Variants in ZNF148 observed in about 807,000 individuals in gnomAD.
ZNF148 encodes Beta-Enolase Repressor Factor-1.
Under a neutral mutation model 67.7 loss-of-function variants are expected in ZNF148, and 7 were observed. The observed-to-expected ratio is 0.10, with a 90% CI of 0.06 to 0.19. The LOEUF is 0.19. Among genes scored for constraint, ZNF148 ranks in the 10% least tolerant of loss-of-function variants. ZNF148 has a pLI of 1.00. For missense variants in ZNF148, 583 were observed against 947.1 expected, an observed-to-expected ratio of 0.62 and a Z score of 5.05; for synonymous variants, 333 against 330.7, an observed-to-expected ratio of 1.01 and a Z score of -0.08.
chr3:125,271,145 T>C (rs555805717), intron 7 of ZNF148, among the ~76,000 whole-genome samples: 11 of 152,352 alleles, frequency 7.2e-5, no homozygotes, highest in Admixed American at 2.0e-4. Context: ...TTTTTTAACA[T>C]GGCAGTTAAA....
At chr3:125,245,141 A>C (rs1936537788) in intron 7 of ZNF148, among the ~76,000 whole-genome samples, 1 of 152,164 alleles carries the variant, frequency 6.6e-6, no homozygotes, top group African/African-American at 2.4e-5. Flanking sequence ...TCTCAAATAC[A>C]TCATATCCCA....
intron 5 of ZNF148, among the ~76,000 whole-genome samples, chr3:125,286,156 C>T (rs1488710094): frequency 6.6e-6 from 1 of 151,950 alleles, no homozygotes; most frequent in East Asian, 1.9e-4. Context: ...TAGTATTATT[C>T]TATATCTGAA....
Position 125,232,342 on chromosome 3 carries a change from TAGCC to T in ZNF148, c.2380_2383del (p.Gly794LysfsTer7). 4 of 1,545,704 alleles carry T rather than the reference TAGCC, an allele frequency of 2.6e-6. No individual in the cohort carries two copies. The highest frequency in any genetic ancestry group is 1.5e-5 in the African/African-American group (1 of 67,902). ...ATTATTTACACTTTTTTTTTTTTTTTAGCCAAAAGTCTGGCCAGTTGTGGCATCA... is the reference window on the plus strand; with the variant it reads ...ATTATTTACACTTTTTTTTTTTTTTTAAAAGTCTGGCCAGTTGTGGCATCA... On this transcript the variant is annotated frameshift_variant and stop_lost, in exon 9 of 9. Coordinates refer to ENST00000360647, the MANE Select transcript of ZNF148 (RefSeq NM_021964.3). LOFTEE classifies it high-confidence loss of function. The surrounding 1 kb of genome is among the most constrained non-coding windows in gnomAD (Gnocchi z 4.2).
At chr3:125,301,973 G>A (rs1939610848) in intron 4 of ZNF148, among the ~76,000 whole-genome samples, 1 of 152,098 alleles carries the variant, frequency 6.6e-6, no homozygotes. Flanking sequence ...CTGAGGCAGG[G>A]AGAAATGCTT....
intron 7 of ZNF148, among the ~76,000 whole-genome samples, chr3:125,249,036 AG>A (rs1936721440): frequency 6.6e-6 from 1 of 152,208 alleles, no homozygotes; most frequent in Non-Finnish European, 1.5e-5. Flanking sequence ...CAACTCAAAA[AG>A]GATTAAAGAC....
intron 7 of ZNF148, among the ~76,000 whole-genome samples, chr3:125,258,502 T>C (rs1020046188): frequency 1.3e-5 from 2 of 151,286 alleles, no homozygotes; most frequent in African/African-American, 2.4e-5. Flanking sequence ...GGGCTCATGA[T>C]ATGATTCTCC....
In ZNF148 at chr3:125,318,320, C is replaced by T. The variant is rs143376935; in HGVS notation, c.-16-4664G>A. ...AAAGAAAACTGAGGTAATCAAGCCACACTAATATGTAAATAATTAACTGTC... is the reference window on the plus strand; with the variant it reads ...AAAGAAAACTGAGGTAATCAAGCCATACTAATATGTAAATAATTAACTGTC... On this transcript the variant is annotated intron_variant, in intron 3 of 8. Coordinates refer to ENST00000360647, the MANE Select transcript of ZNF148 (RefSeq NM_021964.3). 3.9e-5 allele frequency among the ~76,000 whole-genome samples: 6 copies of T among 152,270 alleles called. No homozygotes were observed. The East Asian group carries it at 1.2e-3, about 29-fold the overall frequency.
intron 7 of ZNF148, among the ~76,000 whole-genome samples, chr3:125,237,248 T>C (rs1374327431): frequency 6.6e-6 from 1 of 152,064 alleles, no homozygotes; most frequent in African/African-American, 2.4e-5. Flanking sequence ...CAGGCAATGT[T>C]GTTGGACAGG....
At chr3:125,253,689 C>G (rs1382924639) in intron 7 of ZNF148, among the ~76,000 whole-genome samples, 1 of 152,128 alleles carries the variant, frequency 6.6e-6, no homozygotes, top group Non-Finnish European at 1.5e-5. Flanking sequence ...TAAAATTTCC[C>G]TCCTTAATTT....
chr3:125,334,749 A>G lies in ZNF148; in HGVS notation c.-233-3511T>C, dbSNP rs190425056. On this transcript the variant is annotated intron_variant, in intron 1 of 8. Transcript: ENST00000360647. ...CCCGAACTCCTTATAAGGGTCTACAAGGCCTTACATGCACTCCTGTGCTTA... is the reference window on the plus strand; with the variant it reads ...CCCGAACTCCTTATAAGGGTCTACAGGGCCTTACATGCACTCCTGTGCTTA... Among the ~76,000 whole-genome samples the G allele has an allele frequency of 3.3e-5, 5 of 152,314 alleles. No homozygotes were observed. The East Asian group carries it at 9.6e-4, about 29-fold the overall frequency.
chr3:125,235,088 G>A (rs1936026294), intron 7 of ZNF148, among the ~76,000 whole-genome samples: 1 of 152,130 alleles, frequency 6.6e-6, no homozygotes, highest in Non-Finnish European at 1.5e-5. Context: ...TAAAACCACA[G>A]TCTAAGTAAA....
At chr3:125,368,995 C>G (rs1352446491) in intron 1 of ZNF148, among the ~76,000 whole-genome samples, 5 of 150,786 alleles carry the variant, frequency 3.3e-5, no homozygotes, top group African/African-American at 1.2e-4. Flanking sequence ...GGCGCAGTGG[C>G]TCACACCTGT....
At position 125,279,253 on chromosome 3, in the gene ZNF148, T is replaced by TAAAAA; in HGVS notation, c.460-7_460-6insTTTTT. The TAAAAA allele has an allele frequency of 9.9e-7, 1 of 1,011,996 alleles. No individual in the cohort carries two copies. The highest frequency in any genetic ancestry group is 2.4e-5 in the South Asian group (1 of 41,562). The allele number at this position is 1,011,996 out of a possible 1,614,324, so 62.7% of individuals were successfully genotyped here. ...TCCTCATTTATTGTAAGGATCTAGT[T>TAAAAA]CAAAAAAAAAAAGGCAAAAACAAAA... is the stretch of plus-strand genomic sequence containing the variant. On this transcript the variant is annotated splice_polypyrimidine_tract_variant and splice_region_variant and intron_variant, in intron 5 of 8. Transcript: ENST00000360647.
At chr3:125,250,107 T>C (rs536358354) in intron 7 of ZNF148, among the ~76,000 whole-genome samples, 101 of 152,216 alleles carry the variant, frequency 6.6e-4, no homozygotes, top group Non-Finnish European at 1.3e-3. Flanking sequence ...ATGGGACCTA[T>C]AGTTAATAAT....
At chr3:125,343,338 G>A (rs1258124820) in intron 1 of ZNF148, among the ~76,000 whole-genome samples, 2 of 152,176 alleles carry the variant, frequency 1.3e-5, no homozygotes, top group African/African-American at 4.8e-5. Context: ...GTCCCAATGA[G>A]AGGTGAAGCC....
At chr3:125,244,501 GT>G (rs1303552854) in intron 7 of ZNF148, among the ~76,000 whole-genome samples, 15 of 145,752 alleles carry the variant, frequency 1.0e-4, no homozygotes, top group East Asian at 4.0e-4. Flanking sequence ...AATCTTTTTT[GT>G]TTTTTTTTTT....
At chr3:125,319,007 C>G (rs894447213) in intron 3 of ZNF148, among the ~76,000 whole-genome samples, 1 of 152,086 alleles carries the variant, frequency 6.6e-6, no homozygotes, top group Non-Finnish European at 1.5e-5. Context: ...CACTCCCAAC[C>G]CCCCCACACA....
intron 1 of ZNF148, among the ~76,000 whole-genome samples, chr3:125,373,057 A>C (rs1436523757): frequency 6.6e-6 from 1 of 152,052 alleles, no homozygotes; most frequent in Non-Finnish European, 1.5e-5. Context: ...AATTAAAAGA[A>C]CAGATAATAT....
intron 1 of ZNF148, among the ~76,000 whole-genome samples, chr3:125,358,029 C>G (rs1942418855): frequency 6.6e-6 from 1 of 152,190 alleles, no homozygotes; most frequent in Non-Finnish European, 1.5e-5. Flanking sequence ...CTTCATAAAT[C>G]GGACCGGCGC....
Sources: gnomAD v4.1 joint callset for allele counts (sites outside exome capture counted in the v4.1 genomes callset) on GRCh38, gnomAD v4.1.1 for gene constraint, Gnocchi (gnomAD v3.1) non-coding constraint, MANE v1.5 for transcripts, NCBI Gene and HGNC (gene_info 2026-07-23, HGNC 2026-07-21) for gene names.